PDE4D: variants seen among roughly 807,000 people sequenced by gnomAD.
PDE4D encodes the protein phosphodiesterase 4D.
Under a neutral mutation model 87.4 loss-of-function variants are expected in PDE4D, and 24 were observed. The observed-to-expected ratio is 0.27, with a 90% CI of 0.20 to 0.39. The LOEUF is 0.39. PDE4D is among the 10% of genes least tolerant of loss of function. The probability of loss-of-function intolerance (pLI) is 1.00; values close to 1 mark genes in which losing one functional copy is unlikely to be tolerated. For synonymous variants in PDE4D, 384 were observed against 383.2 expected (o/e 1.00, Z -0.02); for missense variants, 714 against 1,041.0 (o/e 0.69, Z 4.32).
At chr5:60,167,461 G>T (rs927528063) in intron 2 of PDE4D, among the ~76,000 whole-genome samples, 1 of 151,400 alleles carries the variant, frequency 6.6e-6, no homozygotes, top group South Asian at 2.1e-4. Flanking sequence ...GTAGAGACGG[G>T]GTTTCACCGT....
intron 2 of PDE4D, among the ~76,000 whole-genome samples, chr5:59,998,844 G>A: frequency 6.6e-6 from 1 of 152,182 alleles, no homozygotes; most frequent in South Asian, 2.1e-4. Flanking sequence ...CTTAGTATGT[G>A]TCAATATGTG....
intron 5 of PDE4D, among the ~76,000 whole-genome samples, chr5:59,043,009 A>G (rs1759948607): frequency 6.6e-6 from 1 of 152,210 alleles, no homozygotes; most frequent in African/African-American, 2.4e-5. Context: ...CACAACTCAC[A>G]GTGATGTTGA....
At chr5:59,319,079 A>C (rs1174073807) in intron 1 of PDE4D, among the ~76,000 whole-genome samples, 1 of 151,986 alleles carries the variant, frequency 6.6e-6, no homozygotes, top group Non-Finnish European at 1.5e-5. Context: ...ATCTAAGGAG[A>C]TTCAAGTTAA....
chr5:59,428,018 C>T (rs1052654921), intron 1 of PDE4D, among the ~76,000 whole-genome samples: 3 of 152,090 alleles, frequency 2.0e-5, no homozygotes, highest in Non-Finnish European at 2.9e-5. Context: ...TTGTCATTCT[C>T]GTCAACATTG....
intron 2 of PDE4D, among the ~76,000 whole-genome samples, chr5:60,128,676 T>G (rs1186545690): frequency 6.6e-6 from 1 of 152,202 alleles, no homozygotes; most frequent in Non-Finnish European, 1.5e-5. Context: ...TTTGGGTATT[T>G]ATCTGTTACA....
chr5:59,390,442 T>G (rs1013445626), intron 1 of PDE4D, among the ~76,000 whole-genome samples: 5 of 152,178 alleles, frequency 3.3e-5, no homozygotes, highest in Non-Finnish European at 7.4e-5. Context: ...GATTGATGAA[T>G]GGATGTTTCA....
At chr5:60,257,016 G>A (rs1373996489) in intron 1 of PDE4D, among the ~76,000 whole-genome samples, 1 of 151,670 alleles carries the variant, frequency 6.6e-6, no homozygotes, top group Non-Finnish European at 1.5e-5. Context: ...TAAATACATA[G>A]AATAAAACAT....
At chr5:60,026,958 G>A (rs1420668736) in intron 2 of PDE4D, among the ~76,000 whole-genome samples, 1 of 152,080 alleles carries the variant, frequency 6.6e-6, no homozygotes, top group African/African-American at 2.4e-5. Context: ...CAGGTGACTT[G>A]TCCCAAAGTA....
At chr5:59,720,340 T>C (rs1257385978) in intron 1 of PDE4D, among the ~76,000 whole-genome samples, 1 of 152,110 alleles carries the variant, frequency 6.6e-6, no homozygotes, top group Non-Finnish European at 1.5e-5. Flanking sequence ...GAGAGGGTCT[T>C]GCTATGCTGC....
chr5:59,624,529 G>A (rs556829250), intron 1 of PDE4D, among the ~76,000 whole-genome samples: 18 of 152,308 alleles, frequency 1.2e-4, no homozygotes, highest in African/African-American at 4.1e-4. Flanking sequence ...CAGAGACGCT[G>A]TGGCACAAAC....
intron 1 of PDE4D, among the ~76,000 whole-genome samples, chr5:60,467,189 A>G (rs1747424242): frequency 6.6e-6 from 1 of 151,782 alleles, no homozygotes; most frequent in Non-Finnish European, 1.5e-5. Context: ...ACAGGCACAC[A>G]CCACCACACC....
chr5:59,259,452 G>A (rs1761573106), intron 1 of PDE4D, among the ~76,000 whole-genome samples: 1 of 151,850 alleles, frequency 6.6e-6, no homozygotes, highest in Non-Finnish European at 1.5e-5. Flanking sequence ...TACTTTGAAT[G>A]AAGTTAAGCA....
intron 2 of PDE4D, among the ~76,000 whole-genome samples, chr5:60,045,247 A>G (rs1263907201): frequency 6.6e-6 from 1 of 151,944 alleles, no homozygotes; most frequent in Non-Finnish European, 1.5e-5. Context: ...AGTTCATTGT[A>G]GATTCTGGAT....
Position 59,893,396 on chromosome 5 carries a change from G to T in PDE4D, c.227C>A (p.Pro76Gln). 7.7e-7 allele frequency: 1 copy of T among 1,290,514 alleles called. No individual in the cohort carries two copies. Among genetic ancestry groups the T allele is most frequent in the Non-Finnish European group, 9.8e-7 (1 of 1,016,312 alleles). The allele number at this position is 1,290,514 out of a possible 1,614,324, so 79.9% of individuals were successfully genotyped here. Reference sequence around the variant, plus strand: ...GGGCGGCGGCAGGGGGGGCGGCGGCGGCGGCTGTAGCGGACACTGGGGCTG... The same window carrying T: ...GGGCGGCGGCAGGGGGGGCGGCGGCTGCGGCTGTAGCGGACACTGGGGCTG... ...QPQPQCPLQP[P>Q]PPPPLPPPPP... Residue 76 changes from proline (P) to glutamine (Q), a missense_variant, in exon 1 of 15, where the codon CCG becomes CAG. Physicochemically the swap from Pro to Gln is moderately conservative, Grantham distance 76. Around this residue, in one of 7 missense-constraint regions of PDE4D, gnomAD observed 268 missense variants for 272.9 expected, o/e 0.98. Transcript: ENST00000340635.
At chr5:59,784,251 T>TA (rs1561656815) in intron 1 of PDE4D, among the ~76,000 whole-genome samples, 13 of 149,518 alleles carry the variant, frequency 8.7e-5, no homozygotes, top group African/African-American at 3.0e-4. Flanking sequence ...TTTTTTTTTT[T>TA]TAAAAAAAAA....
intron 1 of PDE4D, among the ~76,000 whole-genome samples, chr5:60,484,444 C>T (rs1372497220): frequency 6.6e-6 from 1 of 152,094 alleles, no homozygotes; most frequent in East Asian, 1.9e-4. Flanking sequence ...AGAAATATAT[C>T]TGATACTTTC....
intron 5 of PDE4D, among the ~76,000 whole-genome samples, chr5:59,084,953 C>T: frequency 6.6e-6 from 1 of 151,998 alleles, no homozygotes; most frequent in East Asian, 1.9e-4. Context: ...GAAATAGAGA[C>T]TGCTGATGAA....
chr5:60,435,205 A>G (rs1028961563), intron 1 of PDE4D, among the ~76,000 whole-genome samples: 3 of 152,106 alleles, frequency 2.0e-5, no homozygotes, highest in Non-Finnish European at 4.4e-5. Context: ...AATTACTAGA[A>G]CAATGTGTTA....
At chr5:60,378,553 C>T (rs1415122841) in intron 1 of PDE4D, among the ~76,000 whole-genome samples, 1 of 151,944 alleles carries the variant, frequency 6.6e-6, no homozygotes, top group African/African-American at 2.4e-5. Flanking sequence ...AAGTAAAATA[C>T]TTTTAAAAGA....
Sources: gnomAD v4.1 joint callset for allele counts (sites outside exome capture counted in the v4.1 genomes callset) on GRCh38, gnomAD v4.1.1 for gene constraint, gnomAD v4.1.1 regional missense constraint, MANE v1.5 for transcripts, NCBI Gene and HGNC (gene_info 2026-07-23, HGNC 2026-07-21) for gene names.